The following ZFHX3 variants were observed in gnomAD, a reference collection of about 807,000 sequenced individuals.
ZFHX3 encodes the protein zinc finger homeobox 3, also known as zinc finger homeobox protein 3.
ZFHX3 carries 42 observed loss-of-function variants against 279.1 expected under a neutral mutation model. The observed-to-expected ratio is 0.15, with a 90% CI of 0.12 to 0.19. ZFHX3 has a LOEUF of 0.19. Among genes scored for constraint, ZFHX3 ranks in the 10% least tolerant of loss-of-function variants. The pLI, the probability that ZFHX3 is intolerant of heterozygous loss-of-function variation, is 1.00. For missense variants in ZFHX3, 4,981 were observed against 4,754.0 expected (o/e 1.05, Z -1.40); for synonymous variants, 2,293 against 1,957.8 (o/e 1.17, Z -4.52).
At chr16:73,881,917 CTTTGCT>C (rs2030180208) in intron 1 of ZFHX3, among the ~76,000 whole-genome samples, 1 of 152,060 alleles carries the variant, frequency 6.6e-6, no homozygotes, top group Admixed American at 6.6e-5. Flanking sequence ...GTTTCCCTGC[CTTTGCT>C]TCATATAGAG....
chr16:72,881,905 C>G (rs1452807640), intron 4 of ZFHX3, among the ~76,000 whole-genome samples: 1 of 152,174 alleles, frequency 6.6e-6, no homozygotes. Context: ...TTCAGATTTT[C>G]AAGTTTCTTG....
Position 72,957,646 on chromosome 16 carries a change from A to G in ZFHX3, c.2500T>C (p.Leu834=). The G allele has an allele frequency of 6.2e-7, 1 of 1,614,166 alleles. No individual in the cohort carries two copies. Among genetic ancestry groups the G allele is most frequent in the Non-Finnish European group, 8.5e-7 (1 of 1,180,042 alleles). The change falls in exon 2 of 10, where the codon TTA becomes CTA. Residue 834 remains leucine (L), a synonymous_variant. Coordinates refer to ENST00000268489, the MANE Select transcript of ZFHX3 (RefSeq NM_006885.4). ...TSEKHMHNMM[L]LQQNMTQIQH... ...ATCTGGGTCATGTTCTGTTGCAGTA[A>G]CATCATGTTATGCATGTGCTTCTCA...
intron 2 of ZFHX3, among the ~76,000 whole-genome samples, chr16:73,567,033 A>G (rs2020461726): frequency 6.6e-6 from 1 of 151,884 alleles, no homozygotes. Flanking sequence ...TTTTGTAGAG[A>G]TAGGGGGGTA....
intron 2 of ZFHX3, among the ~76,000 whole-genome samples, chr16:73,659,377 T>C (rs2052755700): frequency 6.6e-6 from 1 of 152,204 alleles, no homozygotes; most frequent in Admixed American, 6.5e-5. Flanking sequence ...AATTAAAACC[T>C]ACTTTTATTT....
intron 3 of ZFHX3, among the ~76,000 whole-genome samples, chr16:73,436,354 C>T (rs565470195): frequency 2.0e-5 from 3 of 152,258 alleles, no homozygotes; most frequent in Admixed American, 1.3e-4. Flanking sequence ...CTCAGAGTTC[C>T]ATGTGGCTGG....
chr16:73,435,066 C>T (rs185597835), intron 3 of ZFHX3, among the ~76,000 whole-genome samples: 69 of 151,776 alleles, frequency 4.5e-4, no homozygotes, highest in Admixed American at 1.4e-3. Flanking sequence ...ATTGTTTGAA[C>T]TGGCTGGCTG....
At chr16:73,708,081 G>GGT (rs1555533792) in intron 1 of ZFHX3, among the ~76,000 whole-genome samples, 3 of 151,210 alleles carry the variant, frequency 2.0e-5, no homozygotes, top group Non-Finnish European at 4.4e-5. Flanking sequence ...GGGTGTGGTG[G>GGT]GGGGGGGAAG....
intron 2 of ZFHX3, among the ~76,000 whole-genome samples, chr16:73,545,438 T>A (rs561952395): frequency 2.0e-5 from 3 of 152,270 alleles, no homozygotes; most frequent in African/African-American, 7.2e-5. Flanking sequence ...GTCTCTCTCC[T>A]ATTTTTTCAT....
chr16:72,811,828 G>A (rs779374730), intron 6 of ZFHX3, 51 bp from the exon 7 acceptor site: 43 of 738,672 alleles, frequency 5.8e-5, no homozygotes, highest in Non-Finnish European at 8.2e-5. Flanking sequence ...CCCCAAGCCC[G>A]CCCACCCAAA....
chr16:73,350,329 G>C (rs960970542), intron 3 of ZFHX3, among the ~76,000 whole-genome samples: 1 of 152,120 alleles, frequency 6.6e-6, no homozygotes, highest in Non-Finnish European at 1.5e-5. Context: ...TGGCTGACAG[G>C]GTTTGGGATG....
intron 7 of ZFHX3, among the ~76,000 whole-genome samples, chr16:72,810,939 G>A (rs1388672736): frequency 6.6e-6 from 1 of 152,012 alleles, no homozygotes; most frequent in Non-Finnish European, 1.5e-5. Flanking sequence ...GCAGCGCAGT[G>A]GCCTAATCAT....
chr16:73,332,198 C>T (rs1020421655), intron 3 of ZFHX3, among the ~76,000 whole-genome samples: 59 of 151,988 alleles, frequency 3.9e-4, no homozygotes, highest in African/African-American at 1.2e-3. Context: ...ATGATAAAAA[C>T]GAAATTTGGG....
At chr16:73,070,722 C>G (rs1010662840) in intron 8 of ZFHX3, among the ~76,000 whole-genome samples, 1 of 151,720 alleles carries the variant, frequency 6.6e-6, no homozygotes, top group South Asian at 2.1e-4. Flanking sequence ...CTCTCTCTCT[C>G]TCTCTCTCGC....
intron 2 of ZFHX3, among the ~76,000 whole-genome samples, chr16:73,593,843 A>T (rs139791116): frequency 8.7e-4 from 133 of 152,344 alleles, no homozygotes; most frequent in Non-Finnish European, 1.6e-3. Context: ...ATAAAACTCA[A>T]ATCTATTTAT....
intron 1 of ZFHX3, among the ~76,000 whole-genome samples, chr16:73,843,462 C>T (rs1961364496): frequency 6.6e-6 from 1 of 152,156 alleles, no homozygotes; most frequent in Non-Finnish European, 1.5e-5. Flanking sequence ...TCCTGTGAAA[C>T]CCAGTAGTCA....
chr16:73,418,495 T>C (rs992365866), intron 3 of ZFHX3, among the ~76,000 whole-genome samples: 3 of 152,236 alleles, frequency 2.0e-5, no homozygotes, highest in Non-Finnish European at 4.4e-5. Context: ...TATATGTTTC[T>C]GACAATGAAA....
intron 1 of ZFHX3, among the ~76,000 whole-genome samples, chr16:73,868,889 C>G (rs1597151100): frequency 6.6e-6 from 1 of 152,128 alleles, no homozygotes; most frequent in South Asian, 2.1e-4. Flanking sequence ...GGCTTTAAAG[C>G]AGCTATTGAC....
intron 1 of ZFHX3, among the ~76,000 whole-genome samples, chr16:72,991,649 T>C (rs929482789): frequency 1.3e-5 from 2 of 152,244 alleles, no homozygotes; most frequent in Non-Finnish European, 2.9e-5. Context: ...CATGTTCTCA[T>C]GTCATTTGCA....
At chr16:73,282,307 A>G (rs1043208593) in intron 4 of ZFHX3, among the ~76,000 whole-genome samples, 1 of 152,216 alleles carries the variant, frequency 6.6e-6, no homozygotes, top group Non-Finnish European at 1.5e-5. Flanking sequence ...CTGCCTAGAA[A>G]TCTAAACAAT....
Sources: allele counts gnomAD v4.1 joint callset (sites outside exome capture counted in the v4.1 genomes callset), GRCh38; gene constraint gnomAD v4.1.1; transcripts MANE v1.5; gene names NCBI Gene and HGNC (gene_info 2026-07-23, HGNC 2026-07-21).